Variants in ABLIM2 observed in about 807,000 individuals in gnomAD.
The protein encoded by ABLIM2 is actin binding LIM protein family member 2, also known as actin-binding LIM protein 2.
Under a neutral mutation model 97.7 loss-of-function variants are expected in ABLIM2, and 53 were observed. The observed-to-expected ratio is 0.54, with a 90% confidence interval of 0.44 to 0.68. ABLIM2 has a LOEUF of 0.68. Ranked by LOEUF, ABLIM2 falls within the 30% of genes least tolerant of loss-of-function variation. The pLI is 0.00. For synonymous variants in ABLIM2, 361 were observed against 345.8 expected, an observed-to-expected ratio of 1.04 and a Z score of -0.49; for missense variants, 835 against 867.2, an observed-to-expected ratio of 0.96 and a Z score of 0.47.
rs559017990 is a variant in ABLIM2, at chr4:8,104,438, G to T, written c.154+2056C>A. On this transcript the variant is annotated intron_variant, in intron 2 of 20. Transcript: ENST00000447017. Reference sequence around the variant, plus strand: ...ACCTGGGATGCCAGGGTGCTATGGGGAGAATTCACTGAGGGCTGAGCCAGG... The same window carrying T: ...ACCTGGGATGCCAGGGTGCTATGGGTAGAATTCACTGAGGGCTGAGCCAGG... Among the ~76,000 whole-genome samples, 299 of 152,330 alleles carry T rather than the reference G, an allele frequency of 2.0e-3. 1 individual carries two copies. Among genetic ancestry groups the T allele is most frequent in the Non-Finnish European group, 2.9e-3 (197 of 68,028 alleles).
rs947514462 is a variant in ABLIM2, at chr4:8,022,733, C to T, written c.1268-2430G>A. ...TGCCTGCCTGCTGCCTGTGAGGCTT[C>T]GTTGGAACAAAATGCATCGCCAGCT... On this transcript the variant is annotated intron_variant, in intron 12 of 20. Coordinates refer to ENST00000447017, the MANE Select transcript of ABLIM2 (RefSeq NM_001130083.2). This position sits in a 1 kb window ranked among gnomAD's most constrained non-coding sequence, Gnocchi z 7.8. The T allele has an allele frequency of 4.6e-5, 7 of 152,584 alleles. No homozygotes were observed. The highest frequency in any genetic ancestry group is 1.7e-4 in the African/African-American group (7 of 41,452). 9.5% of individuals were successfully genotyped at this position (152,584 alleles called of 1,614,324 possible).
chr4:8,056,876 G>A (rs894616817), intron 7 of ABLIM2, among the ~76,000 whole-genome samples: 4 of 139,702 alleles, frequency 2.9e-5, no homozygotes, highest in Non-Finnish European at 4.5e-5. Flanking sequence ...AGCTTGCAGT[G>A]AGCCAAGATC....
At position 8,106,612 on chromosome 4, in the gene ABLIM2, G is replaced by T; in HGVS notation, c.36C>A (p.Ser12Arg). 6.2e-7 allele frequency: 1 copy of T among 1,611,724 alleles called. No homozygotes were observed. Among genetic ancestry groups the T allele is most frequent in the Non-Finnish European group, 8.5e-7 (1 of 1,178,966 alleles). The change falls in exon 2 of 21, where the codon AGC becomes AGA. Residue 12 changes from serine to arginine, a missense_variant. Transcript: ENST00000447017. The stretch of plus-strand genomic sequence containing the variant: ...CCGTGCTGGGCGACTTCTCCAGCGG[G>T]CTGGGAGCAGCCTGGGGCTGCGACA... ...SAVSQPQAAP[S>R]PLEKSPSTAI...
At chr4:8,027,996 G>T (rs752549524) in intron 11 of ABLIM2, 139 bp from the exon 12 acceptor site, 4 of 585,416 alleles carry the variant, frequency 6.8e-6, no homozygotes, top group Non-Finnish European at 1.1e-5. Context: ...CCTGAAGGTG[G>T]TCACCAAACA....
rs750172712 is a variant in ABLIM2, at chr4:8,019,710, G to A, written c.1370-39C>T. 2.1e-5 allele frequency: 33 copies of A among 1,570,348 alleles called. No individual in the cohort carries two copies. Among genetic ancestry groups the A allele is most frequent in the Non-Finnish European group, 2.6e-5 (30 of 1,143,998 alleles). ...AAGAAAAAAAAGGAGAGAACAGGAG[G>A]GTAAGCAGCAAGTTGTGATGGTTTC... On this transcript the variant is annotated intron_variant, in intron 13 of 20. Transcript: ENST00000447017. The surrounding 1 kb of genome is among the most constrained non-coding windows in gnomAD (Gnocchi z 4.3).
chr4:8,024,468 G>A (rs1776045144), intron 12 of ABLIM2, among the ~76,000 whole-genome samples: 1 of 152,182 alleles, frequency 6.6e-6, no homozygotes, highest in African/African-American at 2.4e-5. Flanking sequence ...CCGTCCGGAG[G>A]GAAATGTCCA....
Position 8,127,568 on chromosome 4 carries a change from C to T in ABLIM2, c.11-20931G>A, listed in dbSNP as rs868264437. 7.8e-7 allele frequency: 1 copy of T among 1,289,776 alleles called. No individual in the cohort carries two copies. The highest frequency in any genetic ancestry group is 1.0e-6 in the Non-Finnish European group (1 of 988,840). The allele number at this position is 1,289,776 out of a possible 1,614,324, so 79.9% of individuals were successfully genotyped here. ...TTACCTGTGTCTCCCCCTGGCACCCCCATGGAGCGTGGCTGCTTGCAAAGG... is the reference window on the plus strand; with the variant it reads ...TTACCTGTGTCTCCCCCTGGCACCCTCATGGAGCGTGGCTGCTTGCAAAGG... On this transcript the variant is annotated intron_variant, in intron 1 of 20. Transcript: ENST00000447017. The surrounding 1 kb of genome is among the most constrained non-coding windows in gnomAD (Gnocchi z 7.3).
intron 20 of ABLIM2, among the ~76,000 whole-genome samples, chr4:7,976,363 C>G (rs1479161082): frequency 6.6e-6 from 1 of 152,210 alleles, no homozygotes; most frequent in African/African-American, 2.4e-5. Context: ...TTGCCCCAGA[C>G]CCAAATGGCC....
At chr4:8,078,411 C>A (rs1336000245) in intron 5 of ABLIM2, among the ~76,000 whole-genome samples, 11 of 152,252 alleles carry the variant, frequency 7.2e-5, no homozygotes, top group Non-Finnish European at 7.3e-5. Flanking sequence ...GAATGCCCAT[C>A]ATCCTGGGCC....
At chr4:8,009,348 C>T (rs1327574170) in intron 14 of ABLIM2, among the ~76,000 whole-genome samples, 1 of 152,188 alleles carries the variant, frequency 6.6e-6, no homozygotes, top group East Asian at 1.9e-4. Flanking sequence ...GCCAAACACC[C>T]ACACAGAGTA....
chr4:8,100,198 G>A (rs907108610), intron 2 of ABLIM2, among the ~76,000 whole-genome samples: 65 of 152,196 alleles, frequency 4.3e-4, no homozygotes, highest in Middle Eastern at 3.2e-3. Context: ...TCCCTCTCCT[G>A]GGATTGTCCC....
Position 8,022,455 on chromosome 4 carries a change from C to A in ABLIM2, c.1268-2152G>T, listed in dbSNP as rs1774380340. Among the ~76,000 whole-genome samples the A allele has an allele frequency of 6.6e-6, 1 of 152,222 alleles. No homozygotes were observed. The highest frequency in any genetic ancestry group is 2.1e-4 in the South Asian group (1 of 4,826). On this transcript the variant is annotated intron_variant, in intron 12 of 20. Transcript: ENST00000447017. This position sits in a 1 kb window ranked among gnomAD's most constrained non-coding sequence, Gnocchi z 7.8. ...AGCTTTCATCAGATACTTGGAGGGG[C>A]CTGAGGCCGCAGGGAAGCTGGGGAC...
rs1207089567 is a variant in ABLIM2 at position 7,986,354 on chromosome 4, C to T, written c.1681-1461G>A. ...AGCCCTTTATCTGAAACAGGAAAAC[C>T]GAGGCCCCGAGGGAAGCTGGACCTT... On this transcript the variant is annotated intron_variant, in intron 17 of 20. Coordinates refer to ENST00000447017, the MANE Select transcript of ABLIM2 (RefSeq NM_001130083.2). The surrounding 1 kb of genome is among the most constrained non-coding windows in gnomAD (Gnocchi z 4.3). Among the ~76,000 whole-genome samples the T allele has an allele frequency of 2.6e-5, 4 of 152,100 alleles. No homozygotes were observed. The highest frequency in any genetic ancestry group is 2.1e-4 in the South Asian group (1 of 4,820).
intron 3 of ABLIM2, among the ~76,000 whole-genome samples, chr4:8,090,070 C>G (rs1826303455): frequency 6.6e-6 from 1 of 152,202 alleles, no homozygotes; most frequent in Non-Finnish European, 1.5e-5. Context: ...TGGGCCAGTA[C>G]CTTCTGGGGA....
chr4:7,986,418 G>A lies in ABLIM2; in HGVS notation c.1681-1525C>T, dbSNP rs150875779. Among the ~76,000 whole-genome samples the A allele has an allele frequency of 4.7e-4, 71 of 152,306 alleles. No homozygotes were observed. The highest frequency in any genetic ancestry group is 1.6e-3 in the African/African-American group (65 of 41,568). ...AGCTGGAGTCAGAGGGCTAGAGTCA[G>A]GCTCACGAGTGGGGTAAGCACCCAG... On this transcript the variant is annotated intron_variant, in intron 17 of 20. Coordinates refer to ENST00000447017, the MANE Select transcript of ABLIM2 (RefSeq NM_001130083.2). This position sits in a 1 kb window ranked among gnomAD's most constrained non-coding sequence, Gnocchi z 4.3.
chr4:8,151,705 A>ACACTG (rs999394658), intron 1 of ABLIM2, among the ~76,000 whole-genome samples: 10 of 152,228 alleles, frequency 6.6e-5, no homozygotes, highest in African/African-American at 2.4e-4. Flanking sequence ...ACAGATGGGT[A>ACACTG]CACTGAGGCA....
At chr4:7,978,326 T>A (rs1735209156) in intron 20 of ABLIM2, among the ~76,000 whole-genome samples, 1 of 152,208 alleles carries the variant, frequency 6.6e-6, no homozygotes, top group Non-Finnish European at 1.5e-5. Flanking sequence ...GGTCGCACCC[T>A]TGGGTGTGTT....
At chr4:7,994,847 C>T (rs1378838990) in intron 16 of ABLIM2, among the ~76,000 whole-genome samples, 1 of 117,524 alleles carries the variant, frequency 8.5e-6, no homozygotes, top group Non-Finnish European at 2.1e-5. Flanking sequence ...AACTAAAGAG[C>T]TTCTGCACAG....
At chr4:8,047,227 AG>A (rs1433691058) in intron 8 of ABLIM2, among the ~76,000 whole-genome samples, 4 of 152,134 alleles carry the variant, frequency 2.6e-5, no homozygotes, top group Non-Finnish European at 5.9e-5. Flanking sequence ...GAAGGAGAGG[AG>A]GGAGTGGGCA....
Sources: gnomAD v4.1 joint callset for allele counts (sites outside exome capture counted in the v4.1 genomes callset) on GRCh38, gnomAD v4.1.1 for gene constraint, Gnocchi (gnomAD v3.1) non-coding constraint, MANE v1.5 for transcripts, NCBI Gene and HGNC (gene_info 2026-07-23, HGNC 2026-07-21) for gene names.